The following KANK4 variants were observed in gnomAD, a reference collection of about 807,000 sequenced individuals.
KANK4 encodes the protein KN motif and ankyrin repeat domains 4, also known as KN motif and ankyrin repeat domain-containing protein 4.
KANK4 carries 50 observed loss-of-function variants against 80.8 expected under a neutral mutation model. The ratio of observed to expected loss-of-function variants is 0.62; its 90% CI spans 0.49 to 0.78. The LOEUF (loss-of-function observed/expected upper bound fraction) is 0.78, where lower values mean the gene tolerates loss of function less well. KANK4 is among the 30% of genes least tolerant of loss of function. The pLI, the probability that KANK4 is intolerant of heterozygous loss-of-function variation, is 0.00. For missense variants in KANK4, 1,196 were observed against 1,240.1 expected, an observed-to-expected ratio of 0.96 and a Z score of 0.53; for synonymous variants, 465 against 506.9, an observed-to-expected ratio of 0.92 and a Z score of 1.11.
chr1:62,297,242 A>G (rs1370728074), intron 1 of KANK4, among the ~76,000 whole-genome samples: 1 of 152,220 alleles, frequency 6.6e-6, no homozygotes, highest in Non-Finnish European at 1.5e-5. Context: ...CAAAAAATAA[A>G]TAAGTAAATA....
chr1:62,301,582 G>C (rs1320245294), intron 1 of KANK4, among the ~76,000 whole-genome samples: 1 of 152,088 alleles, frequency 6.6e-6, no homozygotes, highest in Non-Finnish European at 1.5e-5. Context: ...GGGCTTTGGA[G>C]TGTGTGGATC....
At position 62,241,336 on chromosome 1, in the gene KANK4, C is replaced by CG. The variant is rs1202268668; in HGVS notation, c.2884-2956dup. Among the ~76,000 whole-genome samples, 6 of 152,044 alleles carry CG rather than the reference C, an allele frequency of 3.9e-5. No homozygotes were observed. The East Asian group carries it at 7.7e-4, about 20-fold the overall frequency. On this transcript the variant is annotated intron_variant, in intron 9 of 9. Coordinates refer to ENST00000371153, the MANE Select transcript of KANK4 (RefSeq NM_181712.5). ...TGCCAGGGCGGGGTAGAAGATGGCT[C>CG]GGGGGGAGGCAGAGGAAGGAAGTGG...
rs1571003655 is a variant in KANK4, at chr1:62,273,896, G to C, written c.1208C>G (p.Ala403Gly). Residue 403 changes from alanine (A) to glycine (G), a missense_variant, in exon 3 of 10, where the codon GCC (alanine) becomes GGC (glycine). Physicochemically the swap from Ala to Gly is moderately conservative, Grantham distance 60. Transcript: ENST00000371153. ...QLEGQFHQENAKDTQGQTDVM... is the reference protein window; with the variant it reads ...QLEGQFHQENGKDTQGQTDVM... Reference sequence around the variant, plus strand: ...GTCCGTCTGGCCCTGAGTGTCTTTGGCGTTCTCTTGGTGAAACTGTCCTTC... The same window carrying C: ...GTCCGTCTGGCCCTGAGTGTCTTTGCCGTTCTCTTGGTGAAACTGTCCTTC... 3 of 1,614,180 alleles carry C rather than the reference G, an allele frequency of 1.9e-6. No individual in the cohort carries two copies. The highest frequency in any genetic ancestry group is 2.5e-6 in the Non-Finnish European group (3 of 1,180,030).
chr1:62,266,733 A>AAG lies in KANK4; in HGVS notation c.2316_2317dup (p.Leu773SerfsTer2). 3 of 1,596,596 alleles carry AAG rather than the reference A, an allele frequency of 1.9e-6. No individual in the cohort carries two copies. Among genetic ancestry groups the AAG allele is most frequent in the Non-Finnish European group, 2.6e-6 (3 of 1,164,684 alleles). On this transcript the variant is annotated frameshift_variant and splice_region_variant, in exon 6 of 10. Coordinates refer to ENST00000371153, the MANE Select transcript of KANK4 (RefSeq NM_181712.5). LOFTEE classifies it high-confidence loss of function. ...CATGACAATGAAAAATTAGAGTACC[A>AAG]AGAGCTGGTCTGTGGTGGTCCCAGT...
intron 7 of KANK4, among the ~76,000 whole-genome samples, chr1:62,260,568 G>A (rs761847938): frequency 2.0e-5 from 3 of 151,964 alleles, no homozygotes; most frequent in Non-Finnish European, 4.4e-5. Context: ...ACACCCCATC[G>A]CTGCCTTCCC....
intron 1 of KANK4, among the ~76,000 whole-genome samples, chr1:62,287,882 C>T (rs1053189512): frequency 1.3e-5 from 2 of 152,066 alleles, no homozygotes; most frequent in Non-Finnish European, 2.9e-5. Flanking sequence ...AGTACGCAGA[C>T]CAATCATCAG....
chr1:62,256,572 G>A (rs1458394761), intron 7 of KANK4, among the ~76,000 whole-genome samples: 1 of 152,050 alleles, frequency 6.6e-6, no homozygotes, highest in Non-Finnish European at 1.5e-5. Context: ...TAGCAGAGAT[G>A]GGGTTTCTCC....
At chr1:62,271,724 G>T in intron 3 of KANK4, 135 bp from the exon 4 acceptor site, 1 of 632,582 alleles carries the variant, frequency 1.6e-6, no homozygotes, top group Non-Finnish European at 2.8e-6. Context: ...ACCAGATCAT[G>T]TAAATCAATG....
chr1:62,288,674 C>A (rs1458025948), intron 1 of KANK4, among the ~76,000 whole-genome samples: 2 of 139,010 alleles, frequency 1.4e-5, no homozygotes, highest in Non-Finnish European at 3.1e-5. Context: ...AGGGAAGAAG[C>A]TGGGCCAGTT....
At chr1:62,285,143 G>C (rs1672536350) in intron 1 of KANK4, among the ~76,000 whole-genome samples, 1 of 152,220 alleles carries the variant, frequency 6.6e-6, no homozygotes, top group African/African-American at 2.4e-5. Flanking sequence ...CTAATCCAAA[G>C]TTCTCCAGTT....
chr1:62,304,105 C>A (rs1644432863), intron 1 of KANK4, among the ~76,000 whole-genome samples: 1 of 152,004 alleles, frequency 6.6e-6, no homozygotes, highest in Non-Finnish European at 1.5e-5. Flanking sequence ...GAACTCCTGA[C>A]CTCAAGTGAT....
rs754212253 is a variant in KANK4 at position 62,268,507 on chromosome 1, T to C, written c.2013-2A>G. The C allele has an allele frequency of 3.1e-6, 5 of 1,612,742 alleles. No individual in the cohort carries two copies. The East Asian group carries it at 1.1e-4, about 36-fold the overall frequency. On this transcript the variant is annotated splice_acceptor_variant, in intron 4 of 9. Transcript: ENST00000371153. LOFTEE classifies it high-confidence loss of function. ...TCCTCACTTGAGGTGGTCTCATACCTGGGGTAGAAAACAAAGGTCACTCGT... is the reference window on the plus strand; with the variant it reads ...TCCTCACTTGAGGTGGTCTCATACCCGGGGTAGAAAACAAAGGTCACTCGT...
At chr1:62,265,603 A>T (rs188432630) in intron 6 of KANK4, among the ~76,000 whole-genome samples, 1 of 152,318 alleles carries the variant, frequency 6.6e-6, no homozygotes, top group East Asian at 1.9e-4. Context: ...AATAACAAAA[A>T]TGAGTTGGGT....
chr1:62,273,112 T>C (rs1007934348), intron 3 of KANK4, 92 bp downstream of exon 3: 2 of 934,128 alleles, frequency 2.1e-6, no homozygotes, highest in African/African-American at 1.7e-5. Context: ...TTTAAAAACA[T>C]GTTAATATAA....
intron 7 of KANK4, among the ~76,000 whole-genome samples, chr1:62,259,565 C>A (rs1327801667): frequency 6.6e-6 from 1 of 152,118 alleles, no homozygotes; most frequent in Non-Finnish European, 1.5e-5. Flanking sequence ...GCGTGAGCCA[C>A]CGCGCCTGGA....
At chr1:62,307,263 G>A (rs1313870202) in intron 1 of KANK4, among the ~76,000 whole-genome samples, 3 of 151,980 alleles carry the variant, frequency 2.0e-5, no homozygotes, top group African/African-American at 4.8e-5. Context: ...TGGGTAGATC[G>A]CCTGAGGTCA....
chr1:62,300,770 G>A (rs1276040934), intron 1 of KANK4, among the ~76,000 whole-genome samples: 2 of 152,042 alleles, frequency 1.3e-5, no homozygotes, highest in East Asian at 3.9e-4. Flanking sequence ...TGACTGCAAT[G>A]AGGGGCGTAT....
At position 62,247,517 on chromosome 1, in the gene KANK4, C is replaced by G. The variant is rs762124757; in HGVS notation, c.2838G>C (p.Arg946=). 3.1e-6 allele frequency: 5 copies of G among 1,613,976 alleles called. No individual in the cohort carries two copies. In the South Asian group the frequency reaches 4.4e-5, roughly 14 times the overall value. ...CGCAGGCTGGGTGTGCCAGGAGCAG[C>G]CGCACCAGGTCCACGTTGCCATGGT... ...ACHHGNVDLV[R]LLLAHPACDS... is the part of the protein sequence containing the mutation. Residue 946 remains arginine, a synonymous_variant, in exon 9 of 10, where the codon CGG becomes CGC. Coordinates refer to ENST00000371153, the MANE Select transcript of KANK4 (RefSeq NM_181712.5).
intron 1 of KANK4, among the ~76,000 whole-genome samples, chr1:62,290,523 G>T (rs903297910): frequency 1.6e-4 from 24 of 152,212 alleles, no homozygotes; most frequent in Admixed American, 8.5e-4. Context: ...GATGCAAAGT[G>T]CTTGTGCTGG....
Sources: allele counts gnomAD v4.1 joint callset (sites outside exome capture counted in the v4.1 genomes callset), GRCh38; gene constraint gnomAD v4.1.1; transcripts MANE v1.5; gene names NCBI Gene and HGNC (gene_info 2026-07-23, HGNC 2026-07-21).